FCHO2: variants seen among roughly 807,000 people sequenced by gnomAD.
The protein encoded by FCHO2 is F-BAR domain only protein 2.
A neutral mutation model predicts 114.1 loss-of-function variants in FCHO2; 43 were observed. The observed-to-expected ratio is 0.38, with a 90% CI of 0.30 to 0.49. The LOEUF (loss-of-function observed/expected upper bound fraction) is 0.49. Among genes scored for constraint, FCHO2 ranks in the 20% least tolerant of loss-of-function variants. The pLI, the probability that FCHO2 is intolerant of heterozygous loss-of-function variation, is 0.97. For missense variants in FCHO2, 807 were observed against 950.4 expected, an observed-to-expected ratio of 0.85 and a Z score of 1.98; for synonymous variants, 293 against 315.2, an observed-to-expected ratio of 0.93 and a Z score of 0.75.
chr5:73,072,600 A>G (rs901045523), intron 19 of FCHO2, among the ~76,000 whole-genome samples: 5 of 152,096 alleles, frequency 3.3e-5, no homozygotes, highest in South Asian at 2.1e-4. Context: ...CTAACATGCT[A>G]TGATAACATG....
At chr5:72,974,994 T>G (rs925564066) in intron 2 of FCHO2, among the ~76,000 whole-genome samples, 2 of 152,166 alleles carry the variant, frequency 1.3e-5, no homozygotes, top group Non-Finnish European at 2.9e-5. Context: ...AAATTCGGGG[T>G]TGAAAATTCT....
intron 6 of FCHO2, among the ~76,000 whole-genome samples, chr5:73,007,640 C>T (rs1413809176): frequency 3.3e-5 from 5 of 152,158 alleles, no homozygotes; most frequent in South Asian, 2.1e-4. Flanking sequence ...CATGTATGTG[C>T]ATATCCATCT....
chr5:73,072,024 A>C (rs1742680786), intron 19 of FCHO2, among the ~76,000 whole-genome samples: 1 of 151,792 alleles, frequency 6.6e-6, no homozygotes, highest in African/African-American at 2.4e-5. Context: ...TGAGTTACTC[A>C]AGAGACATTT....
chr5:73,009,347 G>A lies in FCHO2; in HGVS notation c.600+2798G>A, dbSNP rs547335902. Among the ~76,000 whole-genome samples, 36 of 152,260 alleles carry A rather than the reference G, an allele frequency of 2.4e-4. 1 individual carries two copies. The East Asian group carries it at 3.5e-3, about 15-fold the overall frequency. ...AGTCTTTATCAGCTAAGCATTTGCC[G>A]TTTCATTAATTTTTAAAATTGGAAT... On this transcript the variant is annotated intron_variant, in intron 6 of 25. Coordinates refer to ENST00000430046, the MANE Select transcript of FCHO2 (RefSeq NM_138782.3).
At chr5:73,032,314 G>T (rs1396300708) in intron 8 of FCHO2, among the ~76,000 whole-genome samples, 1 of 152,186 alleles carries the variant, frequency 6.6e-6, no homozygotes, top group South Asian at 2.1e-4. Flanking sequence ...TGTGTGGATG[G>T]TACTCAATTT....
At chr5:72,994,079 A>G (rs1384340560) in intron 5 of FCHO2, among the ~76,000 whole-genome samples, 1 of 152,230 alleles carries the variant, frequency 6.6e-6, no homozygotes, top group Non-Finnish European at 1.5e-5. Context: ...GGAATGGGCA[A>G]AGATTTCATG....
Position 72,969,538 on chromosome 5 carries a change from A to G in FCHO2, c.125+949A>G, listed in dbSNP as rs1752396293. On this transcript the variant is annotated intron_variant, in intron 2 of 25. Transcript: ENST00000430046. ...GCAGGAGCAAAGGAAAGGCCGCAGAACTCTGCATCTCTTGGCATGTTCCTT... is the reference window on the plus strand; with the variant it reads ...GCAGGAGCAAAGGAAAGGCCGCAGAGCTCTGCATCTCTTGGCATGTTCCTT... Among the ~76,000 whole-genome samples, 8 of 152,002 alleles carry G rather than the reference A, an allele frequency of 5.3e-5. No homozygotes were observed. The South Asian group carries it at 1.7e-3, about 32-fold the overall frequency.
chr5:73,075,404 A>C (rs954684925), intron 20 of FCHO2, among the ~76,000 whole-genome samples: 1 of 152,148 alleles, frequency 6.6e-6, no homozygotes. Context: ...AGGTAAAAGC[A>C]TATTTGGTAT....
chr5:73,005,934 A>C (rs1754691227), intron 5 of FCHO2, among the ~76,000 whole-genome samples: 1 of 152,186 alleles, frequency 6.6e-6, no homozygotes, highest in Non-Finnish European at 1.5e-5. Context: ...GAGAAACATC[A>C]AGGAAACCAG....
At chr5:72,981,688 AT>A (rs1197574095) in intron 2 of FCHO2, among the ~76,000 whole-genome samples, 1 of 152,028 alleles carries the variant, frequency 6.6e-6, no homozygotes, top group Non-Finnish European at 1.5e-5. Flanking sequence ...GCTTTATTTC[AT>A]TAAGTTGATC....
chr5:73,029,959 A>G (rs144332833), intron 8 of FCHO2, among the ~76,000 whole-genome samples: 14 of 152,208 alleles, frequency 9.2e-5, no homozygotes, highest in Non-Finnish European at 2.1e-4. Flanking sequence ...TATCAGGTAC[A>G]TACAAGAATT....
At chr5:72,978,404 CTGTT>C (rs1196441059) in intron 2 of FCHO2, among the ~76,000 whole-genome samples, 11 of 152,086 alleles carry the variant, frequency 7.2e-5, no homozygotes, top group African/African-American at 2.2e-4. Flanking sequence ...ATTTAGCTCT[CTGTT>C]TGTCTATTAT....
intron 17 of FCHO2, among the ~76,000 whole-genome samples, chr5:73,061,565 C>T (rs1283592327): frequency 6.6e-6 from 1 of 151,898 alleles, no homozygotes; most frequent in Non-Finnish European, 1.5e-5. Context: ...ACTTGAAACC[C>T]AGTCAGATTC....
At chr5:73,077,562 G>A in intron 21 of FCHO2, 69 bp downstream of exon 21, 1 of 1,460,794 alleles carries the variant, frequency 6.8e-7, no homozygotes, top group Non-Finnish European at 9.1e-7. Context: ...GTGCACAGTG[G>A]CTCACGCCTG....
chr5:72,959,100 T>A lies in FCHO2; in HGVS notation c.33+2971T>A, dbSNP rs901411155. 1.3e-4 allele frequency among the ~76,000 whole-genome samples: 20 copies of A among 152,372 alleles called. No homozygotes were observed. In the East Asian group the frequency reaches 3.7e-3, roughly 28 times the overall value. On this transcript the variant is annotated intron_variant, in intron 1 of 25. Transcript: ENST00000430046. The stretch of plus-strand genomic sequence containing the variant: ...CACTTTCACTATTGAAAACAAATAG[T>A]TAATAGACTGCATTTTATTTTATTT...
chr5:73,007,810 A>T (rs535698922), intron 6 of FCHO2, among the ~76,000 whole-genome samples: 10 of 152,354 alleles, frequency 6.6e-5, no homozygotes, highest in Non-Finnish European at 1.3e-4. Context: ...TATTATAAGT[A>T]TTGCAAAGGA....
At chr5:73,086,829 TCTC>T (rs1358805121) in intron 24 of FCHO2, among the ~76,000 whole-genome samples, 1 of 152,170 alleles carries the variant, frequency 6.6e-6, no homozygotes, top group Non-Finnish European at 1.5e-5. Context: ...TGTATCCTGT[TCTC>T]CTGCTAATCT....
At chr5:72,959,197 CTT>C (rs1249118367) in intron 1 of FCHO2, among the ~76,000 whole-genome samples, 2 of 152,218 alleles carry the variant, frequency 1.3e-5, no homozygotes, top group Admixed American at 6.5e-5. Context: ...AAATAATTAA[CTT>C]CCGAGAATTT....
At chr5:73,042,886 G>A (rs959370271) in intron 11 of FCHO2, among the ~76,000 whole-genome samples, 1 of 152,152 alleles carries the variant, frequency 6.6e-6, no homozygotes, top group African/African-American at 2.4e-5. Flanking sequence ...AATGAATTTA[G>A]TCTAGTGTCT....
Sources: gnomAD v4.1 joint callset for allele counts (sites outside exome capture counted in the v4.1 genomes callset) on GRCh38, gnomAD v4.1.1 for gene constraint, MANE v1.5 for transcripts, NCBI Gene and HGNC (gene_info 2026-07-23, HGNC 2026-07-21) for gene names.